GRID2: variants seen among roughly 807,000 people sequenced by gnomAD.
GRID2 encodes the protein glutamate ionotropic receptor delta type subunit 2.
GRID2 carries 33 observed loss-of-function variants against 114.8 expected under a neutral mutation model. The observed-to-expected ratio is 0.29, with a 90% CI of 0.22 to 0.38. The LOEUF (loss-of-function observed/expected upper bound fraction) is 0.38. GRID2 is among the 10% of genes least tolerant of loss of function. GRID2 has a pLI of 1.00. For synonymous variants in GRID2, 505 were observed against 449.9 expected (o/e 1.12, Z -1.55); for missense variants, 1,184 against 1,257.7 (o/e 0.94, Z 0.89).
chr4:92,770,741 C>T (rs537579582), intron 2 of GRID2, among the ~76,000 whole-genome samples: 36 of 152,140 alleles, frequency 2.4e-4, no homozygotes, highest in East Asian at 3.9e-4. Flanking sequence ...GAGAAAAGCG[C>T]GGGAAAGACC....
chr4:93,736,089 G>A (rs980803153), intron 14 of GRID2, among the ~76,000 whole-genome samples: 9 of 151,908 alleles, frequency 5.9e-5, no homozygotes, highest in Non-Finnish European at 1.0e-4. Flanking sequence ...AAGGTGAAAG[G>A]CATTGTCTGT....
At chr4:93,142,187 T>C (rs528909749) in intron 4 of GRID2, among the ~76,000 whole-genome samples, 1 of 152,306 alleles carries the variant, frequency 6.6e-6, no homozygotes, top group African/African-American at 2.4e-5. Context: ...CACTACAGCC[T>C]GGTTGATGGA....
chr4:93,004,583 G>C (rs1490911594), intron 2 of GRID2, among the ~76,000 whole-genome samples: 2 of 151,934 alleles, frequency 1.3e-5, no homozygotes, highest in East Asian at 3.9e-4. Context: ...GCAGGCAAAA[G>C]TGTTGTTCTA....
intron 8 of GRID2, among the ~76,000 whole-genome samples, chr4:93,323,435 T>G (rs1288547141): frequency 1.3e-5 from 2 of 152,172 alleles, no homozygotes; most frequent in Non-Finnish European, 1.5e-5. Context: ...TACCATGCTG[T>G]TTTGGTTACT....
chr4:93,662,555 G>A (rs1375795154), intron 14 of GRID2, among the ~76,000 whole-genome samples: 1 of 151,984 alleles, frequency 6.6e-6, no homozygotes. Context: ...AATAAACGTA[G>A]AGACACAGCT....
At chr4:93,110,434 T>C (rs2149351073) in intron 3 of GRID2, among the ~76,000 whole-genome samples, 1 of 152,306 alleles carries the variant, frequency 6.6e-6, no homozygotes, top group South Asian at 2.1e-4. Flanking sequence ...CTTGTTTTGC[T>C]CTAGAGAAAT....
At chr4:93,443,220 C>T (rs983051203) in intron 10 of GRID2, among the ~76,000 whole-genome samples, 12 of 151,862 alleles carry the variant, frequency 7.9e-5, no homozygotes, top group African/African-American at 2.9e-4. Context: ...TTACACTCTC[C>T]CTATAACCCT....
At chr4:93,098,456 A>G (rs12108474) in intron 3 of GRID2, among the ~76,000 whole-genome samples, 11,627 of 152,070 alleles carry the variant, frequency 0.076, 769 homozygotes, top group African/African-American at 0.18. Flanking sequence ...GCTAGATGCC[A>G]TAATAAAAGA....
chr4:92,978,874 T>C (rs955409433), intron 2 of GRID2, among the ~76,000 whole-genome samples: 1 of 151,832 alleles, frequency 6.6e-6, no homozygotes, highest in African/African-American at 2.4e-5. Flanking sequence ...AAATAAAAAA[T>C]TAGCCAGACA....
intron 1 of GRID2, among the ~76,000 whole-genome samples, chr4:92,335,046 A>G (rs1727093066): frequency 6.6e-6 from 1 of 152,234 alleles, no homozygotes; most frequent in Admixed American, 6.5e-5. Context: ...ATAGGTAGTC[A>G]ATAAATCTCA....
intron 4 of GRID2, among the ~76,000 whole-genome samples, chr4:93,156,727 CG>C (rs1259036638): frequency 6.6e-6 from 1 of 151,598 alleles, no homozygotes; most frequent in Non-Finnish European, 1.5e-5. Context: ...AAGGGATGCA[CG>C]GGAGGGATCC....
At chr4:93,427,692 G>A (rs1312235881) in intron 10 of GRID2, among the ~76,000 whole-genome samples, 1 of 151,810 alleles carries the variant, frequency 6.6e-6, no homozygotes, top group Non-Finnish European at 1.5e-5. Flanking sequence ...TTTAAGAGAG[G>A]AAAATGCAGT....
intron 2 of GRID2, among the ~76,000 whole-genome samples, chr4:92,842,770 G>C (rs967203228): frequency 1.3e-5 from 2 of 152,104 alleles, no homozygotes; most frequent in Non-Finnish European, 2.9e-5. Flanking sequence ...ACCATGCCAG[G>C]CCTAATCTTT....
chr4:92,678,431 T>C (rs1192898660), intron 2 of GRID2, among the ~76,000 whole-genome samples: 2 of 152,050 alleles, frequency 1.3e-5, no homozygotes, highest in Admixed American at 6.6e-5. Flanking sequence ...CTAAGGAGTA[T>C]GTTAAAGGCC....
intron 4 of GRID2, among the ~76,000 whole-genome samples, chr4:93,177,354 C>G (rs1457999022): frequency 1.3e-5 from 2 of 152,002 alleles, no homozygotes; most frequent in African/African-American, 4.8e-5. Flanking sequence ...CTGCTTTTAG[C>G]CTTTTCATGC....
At chr4:92,919,974 G>T (rs1749169628) in intron 2 of GRID2, among the ~76,000 whole-genome samples, 1 of 152,154 alleles carries the variant, frequency 6.6e-6, no homozygotes, top group Non-Finnish European at 1.5e-5. Flanking sequence ...TTATTATTGT[G>T]TGGGAGTGTA....
chr4:92,884,905 A>G, intron 2 of GRID2: 1 of 377,836 alleles, frequency 2.6e-6, no homozygotes, highest in Non-Finnish European at 5.4e-6. Flanking sequence ...CTATCAATGT[A>G]GATGATAAGC....
chr4:92,830,532 A>T (rs1742033341), intron 2 of GRID2, among the ~76,000 whole-genome samples: 1 of 152,100 alleles, frequency 6.6e-6, no homozygotes, highest in Non-Finnish European at 1.5e-5. Flanking sequence ...ATTTAAGCAT[A>T]CTATTATTAT....
chr4:93,667,595 T>TACC (rs1348860662), intron 14 of GRID2, among the ~76,000 whole-genome samples: 1 of 152,006 alleles, frequency 6.6e-6, no homozygotes, highest in African/African-American at 2.4e-5. Context: ...TCCCAGGATA[T>TACC]ACCATCCTGT....
Sources: allele counts gnomAD v4.1 joint callset (sites outside exome capture counted in the v4.1 genomes callset), GRCh38; gene constraint gnomAD v4.1.1; transcripts MANE v1.5; gene names NCBI Gene and HGNC (gene_info 2026-07-23, HGNC 2026-07-21).